NELL2: variants seen among roughly 807,000 people sequenced by gnomAD.
NELL2 encodes neural EGFL like 2, also known as protein kinase C-binding protein NELL2.
NELL2 carries 41 observed loss-of-function variants against 109.6 expected under a neutral mutation model. The ratio of observed to expected loss-of-function variants is 0.37; its 90% CI spans 0.29 to 0.49. The LOEUF (loss-of-function observed/expected upper bound fraction) is 0.49, where lower values mean the gene tolerates loss of function less well. Among genes scored for constraint, NELL2 ranks in the 20% least tolerant of loss-of-function variants. The pLI is 0.98. For missense variants in NELL2, 900 were observed against 1,008.3 expected, an observed-to-expected ratio of 0.89 and a Z score of 1.45; for synonymous variants, 355 against 344.7, an observed-to-expected ratio of 1.03 and a Z score of -0.33.
At position 44,532,723 on chromosome 12, in the gene NELL2, T is replaced by A; in HGVS notation, c.1664-2A>T. On this transcript the variant is annotated splice_acceptor_variant, in intron 15 of 19. Transcript: ENST00000429094. LOFTEE classifies it high-confidence loss of function. ...AACCATCAGAGCATTCATCAATGTC[T>A]GGCAAAAAAAGAGGGATTTTATAAA... is the stretch of plus-strand genomic sequence containing the variant. The A allele has an allele frequency of 6.3e-7, 1 of 1,599,538 alleles. No individual in the cohort carries two copies. Among genetic ancestry groups the A allele is most frequent in the Non-Finnish European group, 8.5e-7 (1 of 1,174,636 alleles).
At chr12:44,732,284 G>A (rs1455693699) in intron 9 of NELL2, among the ~76,000 whole-genome samples, 1 of 151,908 alleles carries the variant, frequency 6.6e-6, no homozygotes, top group African/African-American at 2.4e-5. Context: ...AAATAACAAA[G>A]CTGGAGGCCT....
chr12:44,604,719 G>T (rs1376215243), intron 15 of NELL2, among the ~76,000 whole-genome samples: 1 of 152,088 alleles, frequency 6.6e-6, no homozygotes, highest in Non-Finnish European at 1.5e-5. Flanking sequence ...AAATCCTGAA[G>T]GGCCTTATTT....
At chr12:44,689,886 T>G (rs1044131461) in intron 12 of NELL2, among the ~76,000 whole-genome samples, 5 of 152,160 alleles carry the variant, frequency 3.3e-5, no homozygotes, top group African/African-American at 1.2e-4. Context: ...AGTGTGAGGT[T>G]GAGAAACCCT....
chr12:44,749,071 C>G (rs75296544), intron 9 of NELL2, among the ~76,000 whole-genome samples: 186 of 152,198 alleles, frequency 1.2e-3, no homozygotes, highest in Non-Finnish European at 1.9e-3. Flanking sequence ...AAAGATGACT[C>G]CAAAAGGACT....
chr12:44,613,170 C>T (rs1945689361), intron 13 of NELL2, among the ~76,000 whole-genome samples: 1 of 152,030 alleles, frequency 6.6e-6, no homozygotes, highest in Non-Finnish European at 1.5e-5. Context: ...CCTTAGTCTC[C>T]CCCTCCTACA....
chr12:44,538,836 A>G (rs536725920), intron 15 of NELL2, among the ~76,000 whole-genome samples: 1 of 152,318 alleles, frequency 6.6e-6, no homozygotes, highest in South Asian at 2.1e-4. Flanking sequence ...TGGGAGATAT[A>G]CCAGAAAAGG....
intron 2 of NELL2, among the ~76,000 whole-genome samples, chr12:44,861,126 A>G (rs535854696): frequency 8.2e-4 from 125 of 152,320 alleles, no homozygotes; most frequent in African/African-American, 3.0e-3. Flanking sequence ...GCACAGAACT[A>G]AGAAAAGGCA....
intron 9 of NELL2, among the ~76,000 whole-genome samples, chr12:44,759,248 T>C (rs1477396459): frequency 6.6e-6 from 1 of 152,242 alleles, no homozygotes; most frequent in East Asian, 1.9e-4. Flanking sequence ...CAAGTTTTTC[T>C]ATCCCTGTTT....
intron 11 of NELL2, among the ~76,000 whole-genome samples, chr12:44,709,442 G>A (rs183245169): frequency 6.6e-6 from 1 of 152,216 alleles, no homozygotes; most frequent in Non-Finnish European, 1.5e-5. Context: ...ATGTAGTGAG[G>A]CCATCTTGAA....
intron 9 of NELL2, among the ~76,000 whole-genome samples, chr12:44,750,111 C>G (rs143942091): frequency 6.6e-6 from 1 of 152,154 alleles, no homozygotes; most frequent in African/African-American, 2.4e-5. Context: ...AAGGTTGGAA[C>G]TAGAAAAGTG....
intron 15 of NELL2, among the ~76,000 whole-genome samples, chr12:44,600,721 T>A (rs781646079): frequency 1.2e-4 from 18 of 152,234 alleles, no homozygotes; most frequent in Non-Finnish European, 5.9e-5. Flanking sequence ...TCAGCTTTCC[T>A]ATTTGAACTA....
intron 1 of NELL2, among the ~76,000 whole-genome samples, chr12:44,900,286 C>T (rs1945645776): frequency 6.6e-6 from 1 of 152,092 alleles, no homozygotes; most frequent in South Asian, 2.1e-4. Context: ...CTGAACTGTC[C>T]ACTCCACATC....
chr12:44,519,892 T>C (rs573527335), intron 19 of NELL2, 113 bp downstream of exon 19: 5 of 907,278 alleles, frequency 5.5e-6, no homozygotes, highest in Non-Finnish European at 8.3e-6. Context: ...GTTTGAAAAA[T>C]AAACAGGAAA....
intron 15 of NELL2, among the ~76,000 whole-genome samples, chr12:44,598,291 A>G (rs534429122): frequency 6.6e-6 from 1 of 151,882 alleles, no homozygotes; most frequent in East Asian, 1.9e-4. Flanking sequence ...AGTTTCCATG[A>G]CAGAAAGCAA....
intron 12 of NELL2, among the ~76,000 whole-genome samples, chr12:44,671,180 T>A (rs952954801): frequency 6.6e-6 from 1 of 152,098 alleles, no homozygotes; most frequent in Non-Finnish European, 1.5e-5. Context: ...AGCAACATGT[T>A]CCTGAGCAAC....
chr12:44,660,213 A>T (rs542058859), intron 13 of NELL2, among the ~76,000 whole-genome samples: 81 of 152,316 alleles, frequency 5.3e-4, no homozygotes, highest in Non-Finnish European at 9.0e-4. Context: ...GGGAAAGTTA[A>T]AAGGAAAATA....
At chr12:44,816,292 C>T (rs1203153269) in intron 2 of NELL2, among the ~76,000 whole-genome samples, 156 bp from the exon 3 acceptor site, 1 of 152,124 alleles carries the variant, frequency 6.6e-6, no homozygotes, top group Non-Finnish European at 1.5e-5. Context: ...TTCAAAAAGA[C>T]TTTATGCTAT....
chr12:44,626,252 C>T (rs1011211866), intron 13 of NELL2, among the ~76,000 whole-genome samples: 21 of 152,132 alleles, frequency 1.4e-4, no homozygotes, highest in Admixed American at 3.9e-4. Flanking sequence ...TTGCCATGGC[C>T]ACAGTGTGCC....
intron 9 of NELL2, among the ~76,000 whole-genome samples, chr12:44,773,251 G>A (rs1302615393): frequency 1.3e-5 from 2 of 152,116 alleles, no homozygotes; most frequent in Non-Finnish European, 1.5e-5. Flanking sequence ...TGAGGCGGGC[G>A]GATCACGAGG....
Sources: allele counts gnomAD v4.1 joint callset (sites outside exome capture counted in the v4.1 genomes callset), GRCh38; gene constraint gnomAD v4.1.1; transcripts MANE v1.5; gene names NCBI Gene and HGNC (gene_info 2026-07-23, HGNC 2026-07-21).